The following ADK variants were observed in gnomAD, a reference collection of about 807,000 sequenced individuals.
ADK encodes N6,N6-dimethyladenosine kinase.
In ADK, 24 loss-of-function variants were observed where a neutral mutation model predicts 44.7. The observed-to-expected ratio is 0.54, with a 90% CI of 0.39 to 0.76. The LOEUF is 0.76. ADK is among the 30% of genes least tolerant of loss of function. The pLI is 0.00. For missense variants in ADK, 321 were observed against 425.1 expected, an observed-to-expected ratio of 0.76 and a Z score of 2.15; for synonymous variants, 128 against 142.6, an observed-to-expected ratio of 0.90 and a Z score of 0.73.
At chr10:74,510,604 G>A (rs1197266765) in intron 6 of ADK, among the ~76,000 whole-genome samples, 1 of 152,044 alleles carries the variant, frequency 6.6e-6, no homozygotes, top group Non-Finnish European at 1.5e-5. Context: ...TGTTGCTTGT[G>A]CTTTTGAAGT....
At chr10:74,164,973 C>T (rs928340825) in intron 1 of ADK, among the ~76,000 whole-genome samples, 1 of 152,222 alleles carries the variant, frequency 6.6e-6, no homozygotes, top group Admixed American at 6.5e-5. Flanking sequence ...CAGGCTCTCT[C>T]AGCCTTTCTC....
At chr10:74,215,803 C>A (rs1007097128) in intron 2 of ADK, among the ~76,000 whole-genome samples, 6 of 145,274 alleles carry the variant, frequency 4.1e-5, no homozygotes, top group African/African-American at 2.6e-5. Context: ...GCAGCTGGGA[C>A]TACAATGCCT....
intron 10 of ADK, among the ~76,000 whole-genome samples, chr10:74,678,143 CAAAAA>C (rs35650817): frequency 1.7e-5 from 1 of 59,200 alleles, no homozygotes; most frequent in Admixed American, 1.8e-4. Context: ...CCTGTCTCTA[CAAAAA>C]AAAAAAAAAA....
At chr10:74,481,614 C>T (rs1187572186) in intron 6 of ADK, among the ~76,000 whole-genome samples, 1 of 152,076 alleles carries the variant, frequency 6.6e-6, no homozygotes, top group African/African-American at 2.4e-5. Context: ...GAATTTTGTC[C>T]ATGCATTTGC....
intron 6 of ADK, among the ~76,000 whole-genome samples, chr10:74,521,087 A>G (rs993595451): frequency 3.3e-5 from 5 of 152,144 alleles, no homozygotes; most frequent in African/African-American, 1.2e-4. Flanking sequence ...TTTTGGTGAT[A>G]CTATAGTCTG....
At chr10:74,266,035 G>A (rs1193797887) in intron 3 of ADK, among the ~76,000 whole-genome samples, 1 of 151,954 alleles carries the variant, frequency 6.6e-6, no homozygotes, top group Non-Finnish European at 1.5e-5. Flanking sequence ...GAGAGAAGGA[G>A]ACTTAAGGAT....
At chr10:74,451,206 A>G (rs139158517) in intron 6 of ADK, among the ~76,000 whole-genome samples, 5 of 151,858 alleles carry the variant, frequency 3.3e-5, no homozygotes, top group Admixed American at 6.6e-5. Context: ...AAGTGATGAC[A>G]TGCAGAGATT....
chr10:74,378,315 T>C (rs1255070261), intron 4 of ADK, among the ~76,000 whole-genome samples: 1 of 152,182 alleles, frequency 6.6e-6, no homozygotes, highest in Non-Finnish European at 1.5e-5. Context: ...TTTTGCAGAT[T>C]GTGATATTGT....
rs1848992618 is a variant in ADK at position 74,525,267 on chromosome 10, TAC to T, written c.569_570del (p.Thr190SerfsTer15). 6.2e-7 allele frequency: 1 copy of T among 1,613,834 alleles called. No individual in the cohort carries two copies. Among genetic ancestry groups the T allele is most frequent in the Non-Finnish European group, 8.5e-7 (1 of 1,179,886 alleles). ...TTTTCTTCATCCAGGGCTTTTTTCT[TAC>T]AGTTTCCCCAGAGTCAGTATTAAAG... ...RVCYIAGFFL[T>X]VSPESVLKVA... On this transcript the variant is annotated frameshift_variant, in exon 7 of 11. Coordinates refer to ENST00000539909, the MANE Select transcript of ADK (RefSeq NM_006721.4). LOFTEE classifies it high-confidence loss of function.
intron 6 of ADK, among the ~76,000 whole-genome samples, chr10:74,507,112 G>A (rs1036933760): frequency 6.6e-6 from 1 of 152,006 alleles, no homozygotes; most frequent in Non-Finnish European, 1.5e-5. Flanking sequence ...TTATTAAATT[G>A]TTTGGACTTA....
chr10:74,330,654 A>G (rs1012748548), intron 4 of ADK, among the ~76,000 whole-genome samples: 5 of 152,270 alleles, frequency 3.3e-5, no homozygotes, highest in East Asian at 1.9e-4. Flanking sequence ...TTCAACTGCT[A>G]TGTTCTTGAG....
intron 9 of ADK, among the ~76,000 whole-genome samples, chr10:74,623,577 T>C (rs1853075953): frequency 6.6e-6 from 1 of 152,174 alleles, no homozygotes. Context: ...GAAAACTTTC[T>C]GGTGTAGAAT....
intron 4 of ADK, among the ~76,000 whole-genome samples, chr10:74,346,041 C>T (rs1397991131): frequency 6.6e-6 from 1 of 152,182 alleles, no homozygotes; most frequent in Non-Finnish European, 1.5e-5. Context: ...ACTGCAGGTA[C>T]ATGCCACGAC....
chr10:74,681,602 T>G (rs1855600123), intron 10 of ADK, among the ~76,000 whole-genome samples: 1 of 152,102 alleles, frequency 6.6e-6, no homozygotes, highest in South Asian at 2.1e-4. Context: ...TCTCAGCACT[T>G]TAAGAGGCCG....
At chr10:74,165,336 G>C (rs1281103838) in intron 1 of ADK, among the ~76,000 whole-genome samples, 1 of 152,068 alleles carries the variant, frequency 6.6e-6, no homozygotes, top group Non-Finnish European at 1.5e-5. Flanking sequence ...GAGAGGCTAG[G>C]TGGTATCAGT....
chr10:74,542,623 C>G (rs955406026), intron 7 of ADK, among the ~76,000 whole-genome samples: 11 of 152,070 alleles, frequency 7.2e-5, no homozygotes, highest in African/African-American at 2.7e-4. Context: ...TTCCTCATTC[C>G]CCATTCTGTC....
At chr10:74,279,104 C>T (rs1172304451) in intron 3 of ADK, among the ~76,000 whole-genome samples, 2 of 150,720 alleles carry the variant, frequency 1.3e-5, no homozygotes, top group Non-Finnish European at 2.9e-5. Flanking sequence ...GATGGTGAAA[C>T]CTCATCTCTC....
At chr10:74,334,489 ATGTTCTTC>A (rs538995845) in intron 4 of ADK, among the ~76,000 whole-genome samples, 57 of 152,246 alleles carry the variant, frequency 3.7e-4, no homozygotes, top group Non-Finnish European at 6.2e-4. Context: ...AAATGTGCTG[ATGTTCTTC>A]TGTTTTGTCA....
intron 10 of ADK, among the ~76,000 whole-genome samples, chr10:74,704,413 A>T (rs181328608): frequency 2.7e-4 from 41 of 152,338 alleles, no homozygotes; most frequent in African/African-American, 9.6e-4. Context: ...CCCTACAATT[A>T]TTTAAATATA....
Sources: allele counts gnomAD v4.1 joint callset (sites outside exome capture counted in the v4.1 genomes callset), GRCh38; gene constraint gnomAD v4.1.1; transcripts MANE v1.5; gene names NCBI Gene and HGNC (gene_info 2026-07-23, HGNC 2026-07-21).